CD2AP: variants seen among roughly 807,000 people sequenced by gnomAD.
The protein encoded by CD2AP is CD2 associated protein.
CD2AP carries 46 observed loss-of-function variants against 85.1 expected under a neutral mutation model. That is an observed-to-expected ratio of 0.54 (90% CI 0.43 to 0.69). CD2AP has a LOEUF of 0.69. CD2AP is among the 30% of genes least tolerant of loss of function. The probability of loss-of-function intolerance (pLI) is 0.00; values close to 1 mark genes in which losing one functional copy is unlikely to be tolerated. For synonymous variants in CD2AP, 255 were observed against 252.9 expected, an observed-to-expected ratio of 1.01 and a Z score of -0.08; for missense variants, 769 against 729.5, an observed-to-expected ratio of 1.05 and a Z score of -0.62.
chr6:47,548,951 A>G (rs1442807309), intron 4 of CD2AP, among the ~76,000 whole-genome samples: 1 of 152,228 alleles, frequency 6.6e-6, no homozygotes, highest in Non-Finnish European at 1.5e-5. Context: ...AAAAACAAAA[A>G]TCACATGATC....
intron 4 of CD2AP, among the ~76,000 whole-genome samples, chr6:47,552,784 G>T (rs1767563033): frequency 1.3e-5 from 2 of 151,908 alleles, no homozygotes; most frequent in Admixed American, 1.3e-4. Context: ...CAGTTCTTTG[G>T]TGCTTCTTTA....
intron 1 of CD2AP, among the ~76,000 whole-genome samples, chr6:47,480,927 GT>G (rs1173603342): frequency 2.6e-5 from 4 of 152,212 alleles, no homozygotes; most frequent in Non-Finnish European, 1.5e-5. Context: ...AAGAGCTTTA[GT>G]TGCTTAGGAA....
chr6:47,590,003 C>T (rs141486275), intron 11 of CD2AP, among the ~76,000 whole-genome samples: 43 of 152,088 alleles, frequency 2.8e-4, no homozygotes, highest in African/African-American at 1.0e-3. Context: ...TGAAAGTAAA[C>T]CTTCATTGTC....
chr6:47,525,656 C>A (rs1309739037), intron 2 of CD2AP, among the ~76,000 whole-genome samples: 4 of 152,074 alleles, frequency 2.6e-5, no homozygotes, highest in Non-Finnish European at 5.9e-5. Context: ...TTAATACAAT[C>A]AAAATTATGT....
At chr6:47,559,784 A>T (rs1484568321) in intron 5 of CD2AP, among the ~76,000 whole-genome samples, 2 of 152,022 alleles carry the variant, frequency 1.3e-5, no homozygotes, top group East Asian at 3.9e-4. Flanking sequence ...GCTTTTTCCC[A>T]CCTAATTCTT....
intron 5 of CD2AP, among the ~76,000 whole-genome samples, chr6:47,565,060 A>ATTCTGAC (rs1767957768): frequency 6.6e-6 from 1 of 152,050 alleles, no homozygotes; most frequent in Non-Finnish European, 1.5e-5. Context: ...TAAGTAGATA[A>ATTCTGAC]TTCTGACTCT....
chr6:47,584,538 AC>A (rs909255900), intron 11 of CD2AP, among the ~76,000 whole-genome samples: 2 of 151,482 alleles, frequency 1.3e-5, no homozygotes, highest in African/African-American at 4.9e-5. Flanking sequence ...TAACTAACTG[AC>A]CCCCCGATTA....
Position 47,624,721 on chromosome 6 carries a change from G to GTGTGTGTATA in CD2AP, c.*495_*496insGTGTGTATAT, listed in dbSNP as rs886061525. On this transcript the variant is annotated 3_prime_UTR_variant, in exon 18 of 18. Coordinates refer to ENST00000359314, the MANE Select transcript of CD2AP (RefSeq NM_012120.3). ...TGTGTGTGTGTGTGTGTGTGTGTGT[G>GTGTGTGTATA]TATATATATATATATATTTTTACTT... is the stretch of plus-strand genomic sequence containing the variant. 1.7e-5 allele frequency: 2 copies of GTGTGTGTATA among 120,082 alleles called. No homozygotes were observed. The highest frequency in any genetic ancestry group is 3.0e-5 in the African/African-American group (1 of 33,250). 7.4% of individuals were successfully genotyped at this position (120,082 alleles called of 1,614,324 possible). A position where few individuals can be genotyped will look rare whatever the true frequency, so the allele number is the denominator to read the frequency against.
chr6:47,506,960 A>T (rs1172972926), intron 2 of CD2AP, among the ~76,000 whole-genome samples: 1 of 152,144 alleles, frequency 6.6e-6, no homozygotes, highest in African/African-American at 2.4e-5. Flanking sequence ...ATAGCATTTT[A>T]CTCATAGTAG....
intron 3 of CD2AP, among the ~76,000 whole-genome samples, chr6:47,538,610 A>G (rs1322874367): frequency 6.6e-6 from 1 of 152,214 alleles, no homozygotes; most frequent in Non-Finnish European, 1.5e-5. Context: ...TAAAACCTGA[A>G]GATATTTTTT....
At chr6:47,602,728 G>GAA (rs778781978) in intron 13 of CD2AP, among the ~76,000 whole-genome samples, 3 of 133,370 alleles carry the variant, frequency 2.2e-5, no homozygotes, top group Non-Finnish European at 4.9e-5. Flanking sequence ...TGTCTCTACA[G>GAA]AAAAAAAAAA....
chr6:47,557,590 C>G (rs951720778), intron 5 of CD2AP, among the ~76,000 whole-genome samples: 1 of 152,170 alleles, frequency 6.6e-6, no homozygotes, highest in Non-Finnish European at 1.5e-5. Context: ...GGAATCCTTT[C>G]CCCATTGCTG....
intron 2 of CD2AP, among the ~76,000 whole-genome samples, chr6:47,524,848 AGG>A (rs1766680911): frequency 1.3e-5 from 2 of 152,212 alleles, no homozygotes; most frequent in African/African-American, 2.4e-5. Context: ...CTTTCAAAGT[AGG>A]TCTGCTATAT....
chr6:47,509,298 A>G (rs757558915), intron 2 of CD2AP, among the ~76,000 whole-genome samples: 1 of 152,214 alleles, frequency 6.6e-6, no homozygotes, highest in East Asian at 1.9e-4. Context: ...ACAGATCACC[A>G]TAACAGATAT....
intron 12 of CD2AP, among the ~76,000 whole-genome samples, chr6:47,597,253 C>T (rs889161167): frequency 3.3e-5 from 5 of 150,676 alleles, no homozygotes; most frequent in Admixed American, 1.3e-4. Flanking sequence ...AAGCAGCAGA[C>T]GAAGAGGTGA....
rs755425767 is a variant in CD2AP at position 47,579,500 on chromosome 6, G to GT, written c.1008+16dup. ...GATAAAGACTTTCCAGTAAGCTTTT[G>GT]TTTTTCAATGATGATAATACTTGAA... On this transcript the variant is annotated intron_variant, in intron 9 of 17. Coordinates refer to ENST00000359314, the MANE Select transcript of CD2AP (RefSeq NM_012120.3). The GT allele has an allele frequency of 4.7e-6, 7 of 1,489,342 alleles. No homozygotes were observed. In the South Asian group the frequency reaches 7.9e-5, roughly 17 times the overall value. The allele number at this position is 1,489,342 out of a possible 1,614,324, so 92.3% of individuals were successfully genotyped here.
At chr6:47,494,481 A>G (rs1167198043) in intron 1 of CD2AP, among the ~76,000 whole-genome samples, 2 of 152,106 alleles carry the variant, frequency 1.3e-5, no homozygotes, top group South Asian at 4.2e-4. Context: ...TGTGGAGTGG[A>G]CTTAAATCAG....
At chr6:47,580,337 C>T (rs1002964816) in intron 9 of CD2AP, among the ~76,000 whole-genome samples, 2 of 152,024 alleles carry the variant, frequency 1.3e-5, no homozygotes, top group Non-Finnish European at 2.9e-5. Flanking sequence ...TAAAAATGAG[C>T]GAATGTTTAT....
At chr6:47,559,176 T>C (rs1478241514) in intron 5 of CD2AP, among the ~76,000 whole-genome samples, 1 of 152,086 alleles carries the variant, frequency 6.6e-6, no homozygotes, top group African/African-American at 2.4e-5. Flanking sequence ...TGATCTCCCC[T>C]TTATCATTTT....
Sources: allele counts gnomAD v4.1 joint callset (sites outside exome capture counted in the v4.1 genomes callset), GRCh38; gene constraint gnomAD v4.1.1; transcripts MANE v1.5; gene names NCBI Gene and HGNC (gene_info 2026-07-23, HGNC 2026-07-21).